The following CAMK1D variants were observed in gnomAD, a reference collection of about 807,000 sequenced individuals.
CAMK1D encodes calcium/calmodulin-dependent protein kinase type 1D.
CAMK1D carries 9 observed loss-of-function variants against 47.7 expected under a neutral mutation model. That is an observed-to-expected ratio of 0.19 (90% confidence interval 0.11 to 0.33). CAMK1D has a LOEUF of 0.33. Ranked by LOEUF, CAMK1D falls within the 10% of genes least tolerant of loss-of-function variation. CAMK1D has a pLI of 1.00. For synonymous variants in CAMK1D, 184 were observed against 184.9 expected (o/e 0.99, Z 0.04); for missense variants, 291 against 488.7 (o/e 0.60, Z 3.81).
chr10:12,693,189 C>A (rs951888261), intron 3 of CAMK1D, among the ~76,000 whole-genome samples: 2 of 152,074 alleles, frequency 1.3e-5, no homozygotes, highest in Admixed American at 6.6e-5. Flanking sequence ...CATGGTGAAA[C>A]CGCGTCTCTA....
intron 3 of CAMK1D, among the ~76,000 whole-genome samples, chr10:12,686,967 C>G (rs1469129678): frequency 2.0e-5 from 3 of 152,092 alleles, no homozygotes; most frequent in African/African-American, 7.2e-5. Flanking sequence ...TTTCATACCA[C>G]CAATAATTCT....
chr10:12,704,456 G>T (rs1833652857), intron 3 of CAMK1D, among the ~76,000 whole-genome samples: 2 of 152,044 alleles, frequency 1.3e-5, no homozygotes. Flanking sequence ...GGCCCTCCCA[G>T]ATGATACCCT....
chr10:12,412,712 AAG>A (rs1839705664), intron 1 of CAMK1D, among the ~76,000 whole-genome samples: 2 of 149,110 alleles, frequency 1.3e-5, no homozygotes, highest in East Asian at 2.0e-4. Context: ...AAAAAAAAAA[AAG>A]AGTGGAACAG....
intron 2 of CAMK1D, among the ~76,000 whole-genome samples, chr10:12,620,215 A>T (rs922650293): frequency 3.4e-4 from 46 of 134,520 alleles, no homozygotes; most frequent in South Asian, 1.4e-3. Context: ...AAAAAAAAAA[A>T]AAATAAAGCT....
chr10:12,741,062 CA>C (rs1430579245), intron 3 of CAMK1D, among the ~76,000 whole-genome samples: 1 of 152,212 alleles, frequency 6.6e-6, no homozygotes, highest in East Asian at 1.9e-4. Context: ...TGAATGCACT[CA>C]AATTCTCCTC....
At chr10:12,469,388 C>T (rs899097684) in intron 1 of CAMK1D, among the ~76,000 whole-genome samples, 9 of 145,058 alleles carry the variant, frequency 6.2e-5, no homozygotes, top group Non-Finnish European at 1.3e-4. Context: ...GCAATTAACC[C>T]TTTCTTCCAA....
chr10:12,590,679 A>G (rs1325061751), intron 2 of CAMK1D, among the ~76,000 whole-genome samples: 1 of 152,252 alleles, frequency 6.6e-6, no homozygotes, highest in African/African-American at 2.4e-5. Flanking sequence ...AATTATATGT[A>G]TCTAACTGGG....
chr10:12,502,336 G>A (rs919308098), intron 1 of CAMK1D, among the ~76,000 whole-genome samples: 4 of 152,184 alleles, frequency 2.6e-5, no homozygotes, highest in African/African-American at 9.7e-5. Context: ...GTGATGTACC[G>A]TGCAAGCTGG....
At chr10:12,540,313 T>C (rs1434512768) in intron 1 of CAMK1D, among the ~76,000 whole-genome samples, 2 of 152,148 alleles carry the variant, frequency 1.3e-5, no homozygotes, top group Non-Finnish European at 2.9e-5. Context: ...AATGATTGAC[T>C]CACTTTGGTT....
Position 12,830,046 on chromosome 10 carries a change from C to T in CAMK1D, c.*1159C>T, listed in dbSNP as rs991652652. The T allele has an allele frequency of 6.6e-6, 1 of 152,068 alleles. No individual in the cohort carries two copies. Among genetic ancestry groups the T allele is most frequent in the Non-Finnish European group, 1.5e-5 (1 of 68,034 alleles). 9.4% of individuals were successfully genotyped at this position (152,068 alleles called of 1,614,324 possible). A position where few individuals can be genotyped will look rare whatever the true frequency, so the allele number is the denominator to read the frequency against. ...CCAGACTTGCTGTGAGTGAGATGCC[C>T]ACACTGCAGAGATGCAGGACCCTCC... On this transcript the variant is annotated 3_prime_UTR_variant, in exon 11 of 11. Coordinates refer to ENST00000619168, the MANE Select transcript of CAMK1D (RefSeq NM_153498.4).
chr10:12,443,151 G>C (rs1305823434), intron 1 of CAMK1D, among the ~76,000 whole-genome samples: 1 of 152,096 alleles, frequency 6.6e-6, no homozygotes, highest in Non-Finnish European at 1.5e-5. Flanking sequence ...ATTCAAAGAT[G>C]TGAAGCCTCA....
intron 6 of CAMK1D, among the ~76,000 whole-genome samples, chr10:12,800,768 G>A (rs545693311): frequency 6.6e-6 from 1 of 152,304 alleles, no homozygotes; most frequent in Non-Finnish European, 1.5e-5. Flanking sequence ...TTGGCTAAGT[G>A]TTCAGAAATA....
chr10:12,826,352 C>A (rs1369711489), intron 10 of CAMK1D, among the ~76,000 whole-genome samples: 1 of 152,204 alleles, frequency 6.6e-6, no homozygotes, highest in Non-Finnish European at 1.5e-5. Context: ...TCAGGACAGC[C>A]TCCTGCCATT....
rs1036440536 is a variant in CAMK1D, at chr10:12,490,066, G to A, written c.93-63159G>A. ...CTTGGCTGGAGCAGGGGAGGGCAAG[G>A]GTGCCACGTGGGTGTGTCTCCAGCC... On this transcript the variant is annotated intron_variant, in intron 1 of 10. Coordinates refer to ENST00000619168, the MANE Select transcript of CAMK1D (RefSeq NM_153498.4). 9.2e-5 allele frequency among the ~76,000 whole-genome samples: 14 copies of A among 152,288 alleles called. No individual in the cohort carries two copies. The East Asian group carries it at 2.3e-3, about 25-fold the overall frequency.
chr10:12,742,481 A>G (rs75003255), intron 3 of CAMK1D, among the ~76,000 whole-genome samples: 15,585 of 152,240 alleles, frequency 0.1, 2,179 homozygotes, highest in African/African-American at 0.32. Context: ...CGAATGTACA[A>G]TTGAATGATT....
chr10:12,807,787 C>T (rs573063915), intron 6 of CAMK1D, among the ~76,000 whole-genome samples: 13 of 152,324 alleles, frequency 8.5e-5, no homozygotes, highest in East Asian at 3.9e-4. Flanking sequence ...CTGTCCGTTC[C>T]TCCGTCCAGC....
At chr10:12,370,257 C>T (rs1448352473) in intron 1 of CAMK1D, among the ~76,000 whole-genome samples, 1 of 152,120 alleles carries the variant, frequency 6.6e-6, no homozygotes, top group African/African-American at 2.4e-5. Flanking sequence ...GTCAACAGAC[C>T]TGTTACACTG....
intron 2 of CAMK1D, among the ~76,000 whole-genome samples, chr10:12,663,397 G>T (rs534378673): frequency 6.6e-6 from 1 of 152,292 alleles, no homozygotes; most frequent in African/African-American, 2.4e-5. Flanking sequence ...ATTGTAGGAA[G>T]ACTGGTCAGC....
At chr10:12,527,625 C>T (rs1045774099) in intron 1 of CAMK1D, among the ~76,000 whole-genome samples, 3 of 152,154 alleles carry the variant, frequency 2.0e-5, no homozygotes, top group African/African-American at 7.2e-5. Flanking sequence ...ATCCGCCTGC[C>T]TCGGCTTCCC....
Sources: allele counts gnomAD v4.1 joint callset (sites outside exome capture counted in the v4.1 genomes callset), GRCh38; gene constraint gnomAD v4.1.1; transcripts MANE v1.5; gene names NCBI Gene and HGNC (gene_info 2026-07-23, HGNC 2026-07-21).